The following SCHIP1 variants were observed in gnomAD, a reference collection of about 807,000 sequenced individuals.
SCHIP1 encodes the protein schwannomin-interacting protein 1.
Under a neutral mutation model 29.7 loss-of-function variants are expected in SCHIP1, and 8 were observed. That is an observed-to-expected ratio of 0.27 (90% CI 0.16 to 0.49). SCHIP1 has a LOEUF of 0.49. Ranked by LOEUF, SCHIP1 falls within the 20% of genes least tolerant of loss-of-function variation. The probability of loss-of-function intolerance (pLI) is 0.99; values close to 1 mark genes in which losing one functional copy is unlikely to be tolerated. For missense variants in SCHIP1, 193 were observed against 294.6 expected (o/e 0.66, Z 2.52); for synonymous variants, 76 against 94.9 (o/e 0.80, Z 1.16).
chr3:159,719,946 C>A, the SCHIP1 span, among the ~76,000 whole-genome samples: 3 of 152,000 alleles, frequency 2.0e-5, no homozygotes, highest in Non-Finnish European at 4.4e-5. Flanking sequence ...ATGTTTATTG[C>A]GGCACTTCAC....
At chr3:159,698,639 A>T in the SCHIP1 span, among the ~76,000 whole-genome samples, 11 of 151,484 alleles carry the variant, frequency 7.3e-5, no homozygotes, top group Non-Finnish European at 1.5e-4. Context: ...ATTTTTTTTT[A>T]TTTTTTTATT....
chr3:159,637,371 C>CCCCACACA, the SCHIP1 span, among the ~76,000 whole-genome samples: 1 of 134,576 alleles, frequency 7.4e-6, no homozygotes, highest in African/African-American at 2.7e-5. Context: ...CCGGCCCCAG[C>CCCCACACA]CACACACACA....
the SCHIP1 span, among the ~76,000 whole-genome samples, chr3:159,740,057 C>G: frequency 1.4e-4 from 21 of 152,346 alleles, no homozygotes; most frequent in African/African-American, 5.1e-4. Context: ...GTTGTCATCT[C>G]GTCTCTCCTC....
the SCHIP1 span, among the ~76,000 whole-genome samples, chr3:159,381,168 C>T: frequency 1.3e-4 from 20 of 152,148 alleles, no homozygotes; most frequent in African/African-American, 2.2e-4. Context: ...AAAAAATACC[C>T]GCTCAAACAA....
chr3:159,401,233 A>T, the SCHIP1 span: 3 of 911,604 alleles, frequency 3.3e-6, no homozygotes, highest in Non-Finnish European at 3.9e-6. Flanking sequence ...CCATTATTCC[A>T]CTGAGTCCAG....
At chr3:159,556,087 C>A in the SCHIP1 span, among the ~76,000 whole-genome samples, 1 of 151,942 alleles carries the variant, frequency 6.6e-6, no homozygotes, top group Non-Finnish European at 1.5e-5. Context: ...AACAAACAAC[C>A]ACATCAAAAA....
chr3:159,558,514 T>C, the SCHIP1 span, among the ~76,000 whole-genome samples: 1 of 152,044 alleles, frequency 6.6e-6, no homozygotes, highest in Non-Finnish European at 1.5e-5. Context: ...TAACTTGGTG[T>C]CCTAGTTGGT....
chr3:159,860,767 C>G (rs1713972929), intron 1 of SCHIP1, among the ~76,000 whole-genome samples: 1 of 152,204 alleles, frequency 6.6e-6, no homozygotes, highest in Non-Finnish European at 1.5e-5. Context: ...CTACAACTGT[C>G]CCTGCTCCAA....
At chr3:159,485,067 A>G in the SCHIP1 span, among the ~76,000 whole-genome samples, 1 of 152,218 alleles carries the variant, frequency 6.6e-6, no homozygotes, top group Non-Finnish European at 1.5e-5. Context: ...TCTCTTGGCC[A>G]AACAGAAGCA....
chr3:159,425,239 A>G, the SCHIP1 span, among the ~76,000 whole-genome samples: 19 of 152,222 alleles, frequency 1.2e-4, no homozygotes, highest in Admixed American at 1.2e-3. Context: ...TAAAAGACAC[A>G]GACTGGCAAA....
the SCHIP1 span, among the ~76,000 whole-genome samples, chr3:159,806,632 G>A: frequency 1.3e-5 from 2 of 152,184 alleles, no homozygotes; most frequent in Admixed American, 6.5e-5. Flanking sequence ...AGCTGAAGGC[G>A]AGTTCTGGGG....
At chr3:159,702,937 T>A in the SCHIP1 span, among the ~76,000 whole-genome samples, 1 of 152,260 alleles carries the variant, frequency 6.6e-6, no homozygotes, top group Non-Finnish European at 1.5e-5. Context: ...GTCAATGATA[T>A]CCTTTTACTT....
At chr3:159,816,925 C>T in the SCHIP1 span, among the ~76,000 whole-genome samples, 1 of 152,166 alleles carries the variant, frequency 6.6e-6, no homozygotes, top group Non-Finnish European at 1.5e-5. Flanking sequence ...ATCACCCACT[C>T]CAGAAAATCT....
chr3:159,701,526 CTT>C, the SCHIP1 span, among the ~76,000 whole-genome samples: 1 of 152,082 alleles, frequency 6.6e-6, no homozygotes. Context: ...TCTTTAATAA[CTT>C]ATATTTAAAC....
chr3:159,609,495 T>G, the SCHIP1 span, among the ~76,000 whole-genome samples: 1 of 152,224 alleles, frequency 6.6e-6, no homozygotes, highest in Non-Finnish European at 1.5e-5. Flanking sequence ...TAGCTGAGTG[T>G]GTGGCCGCTT....
At chr3:159,808,122 C>T in the SCHIP1 span, among the ~76,000 whole-genome samples, 3 of 152,284 alleles carry the variant, frequency 2.0e-5, no homozygotes, top group South Asian at 6.2e-4. Context: ...AGCCCTTATG[C>T]TTTCACTAAA....
chr3:159,597,269 TATATATA>T, the SCHIP1 span, among the ~76,000 whole-genome samples: 2 of 152,214 alleles, frequency 1.3e-5, no homozygotes, highest in African/African-American at 4.8e-5. Context: ...TTTTGTAATG[TATATATA>T]ATATGTAATG....
the SCHIP1 span, among the ~76,000 whole-genome samples, chr3:159,527,296 T>A: frequency 6.6e-6 from 1 of 152,340 alleles, no homozygotes; most frequent in East Asian, 1.9e-4. Context: ...ATCAAAGTTT[T>A]ATTTTCACAA....
chr3:159,875,655 G>A (rs1715728556), intron 2 of SCHIP1, among the ~76,000 whole-genome samples: 1 of 152,194 alleles, frequency 6.6e-6, no homozygotes, highest in African/African-American at 2.4e-5. Flanking sequence ...GTGCACAAAA[G>A]CATTCATTGC....
Sources: gnomAD v4.1 joint callset for allele counts (sites outside exome capture counted in the v4.1 genomes callset) on GRCh38, gnomAD v4.1.1 for gene constraint, MANE v1.5 for transcripts, NCBI Gene and HGNC (gene_info 2026-07-23, HGNC 2026-07-21) for gene names.